The following TNFSF4 variants were observed in gnomAD, a reference collection of about 807,000 sequenced individuals.
The protein encoded by TNFSF4 is tumor necrosis factor ligand superfamily member 4.
A neutral mutation model predicts 7.3 loss-of-function variants in TNFSF4; 4 were observed. The ratio of observed to expected loss-of-function variants is 0.55; its 90% confidence interval spans 0.27 to 1.25. TNFSF4 has a LOEUF of 1.25. Among genes scored for constraint, TNFSF4 ranks in the 50% most tolerant of loss-of-function variants. The probability of loss-of-function intolerance (pLI) is 0.12; values close to 1 mark genes in which losing one functional copy is unlikely to be tolerated. For synonymous variants in TNFSF4, 76 were observed against 83.7 expected, an observed-to-expected ratio of 0.91 and a Z score of 0.50; for missense variants, 181 against 208.8, an observed-to-expected ratio of 0.87 and a Z score of 0.82.
chr1:173,303,355 T>C, the TNFSF4 span, among the ~76,000 whole-genome samples: 91 of 152,026 alleles, frequency 6.0e-4, no homozygotes, highest in East Asian at 0.013. Flanking sequence ...GCTCATTGTA[T>C]GAGGGTGAAA....
the TNFSF4 span, among the ~76,000 whole-genome samples, chr1:173,373,085 T>C: frequency 2.0e-5 from 3 of 152,246 alleles, no homozygotes; most frequent in Admixed American, 2.0e-4. Flanking sequence ...TAAATGTGTA[T>C]ACATATAGCA....
At chr1:173,273,603 G>A in the TNFSF4 span, among the ~76,000 whole-genome samples, 2 of 151,990 alleles carry the variant, frequency 1.3e-5, no homozygotes, top group Non-Finnish European at 2.9e-5. Flanking sequence ...TGATTAGATC[G>A]TCATTAAGCA....
the TNFSF4 span, among the ~76,000 whole-genome samples, chr1:173,447,298 C>G: frequency 6.6e-6 from 1 of 152,130 alleles, no homozygotes. Flanking sequence ...CTGTATGATA[C>G]TATAATGGTG....
the TNFSF4 span, among the ~76,000 whole-genome samples, chr1:173,367,980 G>A: frequency 6.6e-6 from 1 of 152,096 alleles, no homozygotes; most frequent in African/African-American, 2.4e-5. Flanking sequence ...TTGTAAAATG[G>A]ACCAATCAGC....
chr1:173,345,090 A>G, the TNFSF4 span, among the ~76,000 whole-genome samples: 1 of 152,188 alleles, frequency 6.6e-6, no homozygotes, highest in Non-Finnish European at 1.5e-5. Context: ...ATGTAGATCG[A>G]AAAACTAGGC....
At chr1:173,445,865 T>C in the TNFSF4 span, among the ~76,000 whole-genome samples, 1 of 152,136 alleles carries the variant, frequency 6.6e-6, no homozygotes, top group African/African-American at 2.4e-5. Context: ...GCATGGAACA[T>C]ACTCAAAGCT....
chr1:173,211,392 G>A (rs554249671), upstream of TNFSF4, among the ~76,000 whole-genome samples: 6 of 152,102 alleles, frequency 3.9e-5, no homozygotes, highest in Admixed American at 1.3e-4. Context: ...AATCATCCTC[G>A]TTCCCAGTCA....
the TNFSF4 span, among the ~76,000 whole-genome samples, chr1:173,224,380 A>T: frequency 6.6e-6 from 1 of 152,188 alleles, no homozygotes; most frequent in Non-Finnish European, 1.5e-5. Flanking sequence ...ATCCCTGCAG[A>T]GTGGGAATTA....
At chr1:173,306,579 A>C in the TNFSF4 span, among the ~76,000 whole-genome samples, 2 of 151,854 alleles carry the variant, frequency 1.3e-5, no homozygotes, top group Admixed American at 1.3e-4. Flanking sequence ...TTCACAGATG[A>C]CCTCCATCAC....
chr1:173,216,152 C>T, the TNFSF4 span, among the ~76,000 whole-genome samples: 1 of 152,180 alleles, frequency 6.6e-6, no homozygotes, highest in Non-Finnish European at 1.5e-5. Flanking sequence ...CAACATCTTA[C>T]ATCTTAAAAC....
the TNFSF4 span, among the ~76,000 whole-genome samples, chr1:173,287,607 C>T: frequency 2.6e-5 from 4 of 152,172 alleles, no homozygotes; most frequent in South Asian, 2.1e-4. Context: ...TGGTCTCCAT[C>T]GAAGATATGT....
the TNFSF4 span, among the ~76,000 whole-genome samples, chr1:173,365,528 G>C: frequency 0.015 from 2,229 of 152,260 alleles, 55 homozygotes; most frequent in African/African-American, 0.051. Context: ...GTTTCTTGTA[G>C]AGTGAGTAAT....
At chr1:173,372,307 C>T in the TNFSF4 span, among the ~76,000 whole-genome samples, 1 of 152,150 alleles carries the variant, frequency 6.6e-6, no homozygotes, top group Non-Finnish European at 1.5e-5. Flanking sequence ...CCACTCCATA[C>T]TCTAATCAAG....
the TNFSF4 span, among the ~76,000 whole-genome samples, chr1:173,308,718 G>C: frequency 6.6e-6 from 1 of 151,984 alleles, no homozygotes; most frequent in Non-Finnish European, 1.5e-5. Flanking sequence ...CATGTTATCT[G>C]GGGGCTCAGC....
the TNFSF4 span, among the ~76,000 whole-genome samples, chr1:173,265,352 C>G: frequency 6.6e-6 from 1 of 152,152 alleles, no homozygotes; most frequent in African/African-American, 2.4e-5. Flanking sequence ...TGTGACTACC[C>G]CTAGGAAAGG....
chr1:173,384,541 T>G, the TNFSF4 span, among the ~76,000 whole-genome samples: 1 of 152,116 alleles, frequency 6.6e-6, no homozygotes, highest in Non-Finnish European at 1.5e-5. Flanking sequence ...CCCCACCGCA[T>G]GATTCTCTTC....
the TNFSF4 span, among the ~76,000 whole-genome samples, chr1:173,219,166 T>C: frequency 6.6e-6 from 1 of 152,210 alleles, no homozygotes; most frequent in Non-Finnish European, 1.5e-5. Flanking sequence ...CTACCTTCTC[T>C]AGCCTTCTCT....
the TNFSF4 span, among the ~76,000 whole-genome samples, chr1:173,308,701 C>G: frequency 6.6e-6 from 1 of 151,738 alleles, no homozygotes; most frequent in Non-Finnish European, 1.5e-5. Flanking sequence ...GCAGCTCATC[C>G]CTGTTCCATG....
chr1:173,430,531 G>C, the TNFSF4 span, among the ~76,000 whole-genome samples: 6 of 152,230 alleles, frequency 3.9e-5, no homozygotes, highest in African/African-American at 1.2e-4. Context: ...GATGTAATGG[G>C]GATTTCATTA....
Sources: allele counts gnomAD v4.1 joint callset (sites outside exome capture counted in the v4.1 genomes callset), GRCh38; gene constraint gnomAD v4.1.1; transcripts MANE v1.5; gene names NCBI Gene and HGNC (gene_info 2026-07-23, HGNC 2026-07-21).